LY96: variants seen among roughly 807,000 people sequenced by gnomAD.
LY96 encodes lymphocyte antigen 96, also known as myeloid differentiation protein-2.
LY96 carries 18 observed loss-of-function variants against 18.9 expected under a neutral mutation model. The observed-to-expected ratio is 0.95, with a 90% CI of 0.66 to 1.41. The LOEUF (loss-of-function observed/expected upper bound fraction) is 1.41. LY96 is among the 40% of genes most tolerant of loss of function. The probability of loss-of-function intolerance (pLI) is 0.00; values close to 1 mark genes in which losing one functional copy is unlikely to be tolerated. For synonymous variants in LY96, 66 were observed against 62.6 expected (o/e 1.06, Z -0.26); for missense variants, 175 against 182.4 (o/e 0.96, Z 0.23).
the LY96 span, among the ~76,000 whole-genome samples, chr8:74,090,944 C>T: frequency 3.3e-5 from 5 of 152,178 alleles, no homozygotes; most frequent in Non-Finnish European, 7.3e-5. Flanking sequence ...GCCCTCAATG[C>T]CTGATGACAT....
chr8:74,036,057 G>A, the LY96 span, among the ~76,000 whole-genome samples: 4 of 152,186 alleles, frequency 2.6e-5, no homozygotes, highest in Non-Finnish European at 4.4e-5. Context: ...TCGAAATTGA[G>A]ACTCGTCTCA....
the LY96 span, among the ~76,000 whole-genome samples, chr8:74,099,250 C>A: frequency 1.4e-4 from 21 of 152,168 alleles, no homozygotes; most frequent in African/African-American, 5.1e-4. Flanking sequence ...ACCTTGAAAA[C>A]GGTCCTCAGC....
At chr8:74,090,241 T>C in the LY96 span, among the ~76,000 whole-genome samples, 1 of 152,130 alleles carries the variant, frequency 6.6e-6, no homozygotes, top group South Asian at 2.1e-4. Context: ...GGTCAGATTC[T>C]AGGAAAACCA....
At chr8:74,080,984 C>CTCTCTCTT in the LY96 span, among the ~76,000 whole-genome samples, 270 of 105,222 alleles carry the variant, frequency 2.6e-3, no homozygotes, top group Middle Eastern at 4.8e-3. Context: ...TTCTTTCTCT[C>CTCTCTCTT]TCTTTCTTTC....
At chr8:74,022,145 A>C (rs11998059) in intron 3 of LY96, among the ~76,000 whole-genome samples, 8,550 of 152,158 alleles carry the variant, frequency 0.056, 787 homozygotes, top group African/African-American at 0.19. Context: ...CAGTGGCTCA[A>C]GCCTGTAATC....
At chr8:74,022,113 A>G (rs913568983) in intron 3 of LY96, among the ~76,000 whole-genome samples, 2 of 152,104 alleles carry the variant, frequency 1.3e-5, no homozygotes, top group Admixed American at 6.6e-5. Context: ...TATGAGCAAG[A>G]TATGAGCTTT....
chr8:74,016,604 C>T (rs1816647149), intron 3 of LY96, among the ~76,000 whole-genome samples: 1 of 152,198 alleles, frequency 6.6e-6, no homozygotes, highest in East Asian at 1.9e-4. Context: ...GGAGACACCT[C>T]CTAGTAGGGG....
chr8:74,081,560 AT>A, the LY96 span, among the ~76,000 whole-genome samples: 639 of 151,480 alleles, frequency 4.2e-3, 3 homozygotes, highest in Middle Eastern at 0.017. Flanking sequence ...TGCCTAGCTA[AT>A]TTTGAAATTT....
In LY96 at chr8:74,004,893, C is replaced by A. The variant is rs765100003; in HGVS notation, c.202+8C>A. The A allele has an allele frequency of 1.9e-6, 3 of 1,589,198 alleles. No homozygotes were observed. Among genetic ancestry groups the A allele is most frequent in the Non-Finnish European group, 2.6e-6 (3 of 1,160,452 alleles). On this transcript the variant is annotated splice_region_variant and intron_variant, in intron 2 of 4. Coordinates refer to ENST00000284818, the MANE Select transcript of LY96 (RefSeq NM_015364.5). ...ACATTTTCTACATTCCAAGTAAGTTCAAATTTTTGCTTTTATAGACCAATC... is the reference window on the plus strand; with the variant it reads ...ACATTTTCTACATTCCAAGTAAGTTAAAATTTTTGCTTTTATAGACCAATC...
the LY96 span, among the ~76,000 whole-genome samples, chr8:74,039,025 T>A: frequency 6.6e-6 from 1 of 152,218 alleles, no homozygotes; most frequent in Non-Finnish European, 1.5e-5. Flanking sequence ...TTTCTCTACA[T>A]CCTTGCCAGC....
chr8:74,090,716 C>A, the LY96 span, among the ~76,000 whole-genome samples: 1 of 152,164 alleles, frequency 6.6e-6, no homozygotes, highest in Non-Finnish European at 1.5e-5. Context: ...TGATGTAGAT[C>A]AAAATGTTAA....
chr8:74,044,828 C>T, the LY96 span, among the ~76,000 whole-genome samples: 7 of 152,226 alleles, frequency 4.6e-5, no homozygotes, highest in African/African-American at 1.7e-4. Flanking sequence ...TACATTTCAG[C>T]TGTCTTGTCA....
At chr8:74,049,011 T>C in the LY96 span, among the ~76,000 whole-genome samples, 1 of 152,184 alleles carries the variant, frequency 6.6e-6, no homozygotes, top group Non-Finnish European at 1.5e-5. Flanking sequence ...CCTGGAGCTC[T>C]GTTATTGTAG....
intron 3 of LY96, among the ~76,000 whole-genome samples, chr8:74,025,081 C>T (rs896367109): frequency 2.6e-5 from 4 of 152,192 alleles, no homozygotes; most frequent in African/African-American, 9.6e-5. Context: ...CCCTCTTTGG[C>T]CTCCCAAAGT....
intron 3 of LY96, among the ~76,000 whole-genome samples, chr8:74,019,033 C>A (rs996661515): frequency 5.3e-5 from 8 of 152,044 alleles, no homozygotes; most frequent in Non-Finnish European, 5.9e-5. Flanking sequence ...CAAGAGCAAA[C>A]ACATTGAAAA....
chr8:74,053,633 A>G, the LY96 span, among the ~76,000 whole-genome samples: 2 of 152,232 alleles, frequency 1.3e-5, no homozygotes, highest in East Asian at 3.8e-4. Context: ...CCTAGAATGA[A>G]TACCCTTTCC....
At chr8:74,087,925 TTC>T in the LY96 span, among the ~76,000 whole-genome samples, 1 of 152,124 alleles carries the variant, frequency 6.6e-6, no homozygotes, top group Non-Finnish European at 1.5e-5. Flanking sequence ...CACCTTTAAT[TTC>T]TCTTTTTTCT....
the LY96 span, among the ~76,000 whole-genome samples, chr8:74,076,409 C>T: frequency 0.019 from 2,853 of 151,816 alleles, 82 homozygotes; most frequent in African/African-American, 0.065. Context: ...CTGCGACCTC[C>T]GCCTCCCGGG....
chr8:74,033,404 A>T (rs1817001754), downstream of LY96, among the ~76,000 whole-genome samples: 1 of 152,238 alleles, frequency 6.6e-6, no homozygotes, highest in Non-Finnish European at 1.5e-5. Flanking sequence ...CTGGGGCAAT[A>T]CTGAGGCAAA....
Sources: allele counts gnomAD v4.1 joint callset (sites outside exome capture counted in the v4.1 genomes callset), GRCh38; gene constraint gnomAD v4.1.1; transcripts MANE v1.5; gene names NCBI Gene and HGNC (gene_info 2026-07-23, HGNC 2026-07-21).